The following DENND4C variants were observed in gnomAD, a reference collection of about 807,000 sequenced individuals.
The protein encoded by DENND4C is DENN domain-containing protein 4C.
Under a neutral mutation model 203.0 loss-of-function variants are expected in DENND4C, and 108 were observed. The observed-to-expected ratio is 0.53, with a 90% CI of 0.46 to 0.62. The LOEUF (loss-of-function observed/expected upper bound fraction) is 0.62, where lower values mean the gene tolerates loss of function less well. Ranked by LOEUF, DENND4C falls within the 20% of genes least tolerant of loss-of-function variation. The pLI, the probability that DENND4C is intolerant of heterozygous loss-of-function variation, is 0.00. For synonymous variants in DENND4C, 871 were observed against 792.4 expected, an observed-to-expected ratio of 1.10 and a Z score of -1.67; for missense variants, 2,481 against 2,301.2, an observed-to-expected ratio of 1.08 and a Z score of -1.60.
intron 10 of DENND4C, among the ~76,000 whole-genome samples, chr9:19,313,558 T>G (rs1429366871): frequency 6.6e-6 from 1 of 152,226 alleles, no homozygotes; most frequent in Non-Finnish European, 1.5e-5. Context: ...AGCGATTACA[T>G]AAAATGAGAG....
intron 27 of DENND4C, 43 bp from the exon 28 acceptor site, chr9:19,357,922 T>C (rs1311883777): frequency 6.8e-7 from 1 of 1,476,156 alleles, no homozygotes; most frequent in East Asian, 2.4e-5. Flanking sequence ...TTTAGACTGT[T>C]TTTCAACATG....
At chr9:19,284,798 A>G (rs934319939) in intron 2 of DENND4C, among the ~76,000 whole-genome samples, 2 of 152,142 alleles carry the variant, frequency 1.3e-5, no homozygotes, top group Admixed American at 6.5e-5. Flanking sequence ...TGTTAGGAAG[A>G]TGAGCTTTTT....
chr9:19,359,627 G>T (rs1269221184), intron 28 of DENND4C, among the ~76,000 whole-genome samples: 2 of 151,824 alleles, frequency 1.3e-5, no homozygotes, highest in African/African-American at 4.9e-5. Context: ...CCCTTTAGAG[G>T]GAAATGGTTT....
chr9:19,286,860 T>G lies in DENND4C; in HGVS notation c.397T>G (p.Ser133Ala). Residue 133 changes from serine to alanine, a missense_variant, in exon 3 of 33, where the codon TCA (serine) becomes GCA (alanine). This residue lies in a region of DENND4C where 187 missense variants were observed against 167.4 expected (regional missense o/e 1.12). Transcript: ENST00000434457. ...YGRCANVNNS[S>A]TTSQRIFITY... is the part of the protein sequence containing the mutation. ...TCGCTGTGCCAATGTCAACAATAGT[T>G]CAACTACTTCACAAAGAATCTTTAT... 8.1e-7 allele frequency: 1 copy of G among 1,232,126 alleles called. No homozygotes were observed. The highest frequency in any genetic ancestry group is 1.0e-6 in the Non-Finnish European group (1 of 987,946). The allele number at this position is 1,232,126 out of a possible 1,614,324, so 76.3% of individuals were successfully genotyped here.
At chr9:19,340,894 C>T (rs1464876083) in intron 20 of DENND4C, 98 bp from the exon 21 acceptor site, 18 of 1,096,342 alleles carry the variant, frequency 1.6e-5, no homozygotes, top group Admixed American at 3.6e-5. Context: ...TTTGTCTAAC[C>T]GTAATTGTGT....
chr9:19,237,898 T>C (rs926982198), intron 1 of DENND4C, among the ~76,000 whole-genome samples: 15 of 152,286 alleles, frequency 9.8e-5, no homozygotes, highest in African/African-American at 3.4e-4. Flanking sequence ...TTATTCAATA[T>C]GTGTAGTAAT....
chr9:19,296,168 T>C lies in DENND4C; in HGVS notation c.962T>C (p.Phe321Ser). ...KCICLLSHWP[F>S]FEAFRKFLMF... ...ATTTGTTTACTCTCACACTGGCCTT[T>C]TTTTGAAGCTTTTAGGAAATTTCTT... Residue 321 changes from phenylalanine (F) to serine (S), a missense_variant, in exon 6 of 33, where the codon TTT becomes TCT. Physicochemically the swap from Phe to Ser is radical, Grantham distance 155. Transcript: ENST00000434457. 1 of 1,614,072 alleles carries C rather than the reference T, an allele frequency of 6.2e-7. No homozygotes were observed. The highest frequency in any genetic ancestry group is 8.5e-7 in the Non-Finnish European group (1 of 1,179,984).
chr9:19,330,988 A>T (rs1042671143), intron 16 of DENND4C, among the ~76,000 whole-genome samples: 1 of 151,648 alleles, frequency 6.6e-6, no homozygotes, highest in Admixed American at 6.6e-5. Flanking sequence ...CCCGGGAGGC[A>T]GTGGTTGCGG....
intron 26 of DENND4C, among the ~76,000 whole-genome samples, chr9:19,354,448 T>C (rs978198284): frequency 2.0e-5 from 3 of 152,192 alleles, no homozygotes; most frequent in Non-Finnish European, 2.9e-5. Context: ...CTATATAGCC[T>C]TACCAGCATT....
intron 23 of DENND4C, 126 bp from the exon 24 acceptor site, chr9:19,350,576 G>A: frequency 1.3e-6 from 1 of 765,710 alleles, no homozygotes; most frequent in Non-Finnish European, 2.0e-6. Flanking sequence ...TCATGGTTTT[G>A]AAAAATGTGG....
At chr9:19,280,399 C>T (rs1833819153) in intron 2 of DENND4C, among the ~76,000 whole-genome samples, 1 of 152,190 alleles carries the variant, frequency 6.6e-6, no homozygotes, top group South Asian at 2.1e-4. Context: ...CCTGCCTCTG[C>T]CTCCCAAAGT....
intron 16 of DENND4C, among the ~76,000 whole-genome samples, chr9:19,331,631 A>C (rs1320924919): frequency 6.6e-6 from 1 of 152,202 alleles, no homozygotes; most frequent in Admixed American, 6.5e-5. Flanking sequence ...GAAGAGTGAG[A>C]GGAATATCAC....
chr9:19,298,235 G>A, intron 7 of DENND4C, 113 bp downstream of exon 7: 1 of 873,886 alleles, frequency 1.1e-6, no homozygotes, highest in Non-Finnish European at 1.8e-6. Context: ...CATTCATAAA[G>A]TCCTTGGATT....
intron 23 of DENND4C, among the ~76,000 whole-genome samples, chr9:19,347,974 T>C (rs771377296): frequency 2.0e-5 from 3 of 152,210 alleles, no homozygotes; most frequent in Non-Finnish European, 4.4e-5. Flanking sequence ...GTTTTGCTTG[T>C]TTTACAGAAA....
At chr9:19,359,440 G>A (rs749038384) in intron 28 of DENND4C, among the ~76,000 whole-genome samples, 3 of 151,698 alleles carry the variant, frequency 2.0e-5, no homozygotes, top group Non-Finnish European at 4.4e-5. Context: ...TATTCTCTTT[G>A]GTCAGCTAGA....
intron 12 of DENND4C, among the ~76,000 whole-genome samples, chr9:19,318,767 T>G (rs1212868993): frequency 2.0e-5 from 3 of 152,204 alleles, no homozygotes; most frequent in African/African-American, 7.2e-5. Flanking sequence ...CTACCAGTCT[T>G]ACTGAACTAG....
At chr9:19,293,225 A>C (rs1438351227) in intron 5 of DENND4C, among the ~76,000 whole-genome samples, 1 of 152,222 alleles carries the variant, frequency 6.6e-6, no homozygotes, top group Non-Finnish European at 1.5e-5. Flanking sequence ...TGTGGGTACT[A>C]GGTGATCTGC....
chr9:19,240,080 G>A (rs555461910), intron 1 of DENND4C, among the ~76,000 whole-genome samples: 2 of 152,256 alleles, frequency 1.3e-5, no homozygotes, highest in East Asian at 3.9e-4. Flanking sequence ...TTTGCTGCAT[G>A]CACTTTGATA....
In DENND4C at chr9:19,305,354, G is replaced by A; in HGVS notation, c.1314G>A (p.Met438Ile). ...ATTTTTTAAAACTTTTTCCCCAGATGATCTTTCCATTTCAGTGGCAATGCC... is the reference window on the plus strand; with the variant it reads ...ATTTTTTAAAACTTTTTCCCCAGATAATCTTTCCATTTCAGTGGCAATGCC... ...LTGVAEAVVA[M>I]IFPFQWQCPY... The change falls in exon 10 of 33, where the codon ATG becomes ATA. Residue 438 changes from methionine to isoleucine, a missense_variant and splice_region_variant. By Grantham distance (10) the Met-to-Ile change is conservative (BLOSUM62 1). Coordinates refer to ENST00000434457, the MANE Select transcript of DENND4C (RefSeq NM_001330640.2). 1.3e-6 allele frequency: 2 copies of A among 1,583,480 alleles called. No homozygotes were observed. Among genetic ancestry groups the A allele is most frequent in the Non-Finnish European group, 1.7e-6 (2 of 1,164,896 alleles).
Sources: allele counts gnomAD v4.1 joint callset (sites outside exome capture counted in the v4.1 genomes callset), GRCh38; gene constraint gnomAD v4.1.1; regional missense constraint gnomAD v4.1.1; transcripts MANE v1.5; gene names NCBI Gene and HGNC (gene_info 2026-07-23, HGNC 2026-07-21).